CCDC7: variants seen among roughly 807,000 people sequenced by gnomAD.
CCDC7 encodes coiled-coil domain containing 7.
CCDC7 carries 183 observed loss-of-function variants against 196.9 expected under a neutral mutation model. The observed-to-expected ratio is 0.93, with a 90% confidence interval of 0.82 to 1.05. The LOEUF is 1.05. Among genes scored for constraint, CCDC7 ranks in the 50% least tolerant of loss-of-function variants. The probability of loss-of-function intolerance (pLI) is 0.00; values close to 1 mark genes in which losing one functional copy is unlikely to be tolerated. For missense variants in CCDC7, 1,540 were observed against 1,482.2 expected (o/e 1.04, Z -0.64); for synonymous variants, 525 against 484.6 (o/e 1.08, Z -1.10).
chr10:32,865,589 A>T (rs1425093249), intron 41 of CCDC7, among the ~76,000 whole-genome samples: 2 of 151,848 alleles, frequency 1.3e-5, no homozygotes, highest in Non-Finnish European at 2.9e-5. Context: ...ACTTGATTAG[A>T]AAGGAGTATG....
In CCDC7 at chr10:32,699,879, A is replaced by G. The variant is rs554321913; in HGVS notation, c.2458+4887A>G. ...TTTGAGAAGTATCTGTTCATATCCT[A>G]TGCCCACTTGTTGATAGGGTTGTTT... On this transcript the variant is annotated intron_variant, in intron 24 of 41. Coordinates refer to ENST00000639629, the Ensembl canonical transcript of CCDC7. Among the ~76,000 whole-genome samples, 26 of 149,454 alleles carry G rather than the reference A, an allele frequency of 1.7e-4. 5 individuals carry two copies. The highest frequency in any genetic ancestry group is 6.7e-4 in the African/African-American group (26 of 38,896).
chr10:32,612,786 G>A (rs1219727908), intron 18 of CCDC7, among the ~76,000 whole-genome samples: 2 of 151,942 alleles, frequency 1.3e-5, no homozygotes, highest in African/African-American at 4.8e-5. Context: ...TGGTGGATAA[G>A]CTTTTTAATG....
chr10:32,755,634 C>A (rs573530839), intron 28 of CCDC7, among the ~76,000 whole-genome samples: 1 of 152,216 alleles, frequency 6.6e-6, no homozygotes, highest in Admixed American at 6.5e-5. Flanking sequence ...TTAGATAAAA[C>A]CACAAAGATG....
intron 18 of CCDC7, among the ~76,000 whole-genome samples, chr10:32,588,854 T>A (rs2059535337): frequency 6.6e-6 from 1 of 152,110 alleles, no homozygotes. Context: ...TTTTCTTTTT[T>A]AAATTTTTAG....
chr10:32,615,674 T>G (rs2062696514), intron 18 of CCDC7, among the ~76,000 whole-genome samples: 1 of 152,154 alleles, frequency 6.6e-6, no homozygotes, highest in Non-Finnish European at 1.5e-5. Context: ...GCTTTTTGGT[T>G]TAATTAAGTC....
intron 41 of CCDC7, among the ~76,000 whole-genome samples, chr10:32,871,192 T>C (rs2094416655): frequency 6.6e-6 from 1 of 152,222 alleles, no homozygotes; most frequent in Admixed American, 6.6e-5. Context: ...TTCCTCCTTG[T>C]ACCTCTGGTA....
chr10:32,867,883 T>A (rs946350773), intron 41 of CCDC7, among the ~76,000 whole-genome samples: 14 of 151,870 alleles, frequency 9.2e-5, no homozygotes, highest in Non-Finnish European at 1.5e-5. Context: ...GTTTTTTATC[T>A]TGCAAAACTG....
chr10:32,703,683 G>T (rs759003666), intron 24 of CCDC7, among the ~76,000 whole-genome samples: 1 of 151,942 alleles, frequency 6.6e-6, no homozygotes. Context: ...TTTTTACATA[G>T]ACCCATATTT....
At chr10:32,500,792 C>T (rs1173706992) in intron 9 of CCDC7, among the ~76,000 whole-genome samples, 1 of 152,240 alleles carries the variant, frequency 6.6e-6, no homozygotes, top group Non-Finnish European at 1.5e-5. Flanking sequence ...CGTCTGCAAT[C>T]CTGGCACCTC....
intron 8 of CCDC7, chr10:32,481,927 A>G (rs1564405088): frequency 6.6e-6 from 1 of 152,066 alleles, no homozygotes. Flanking sequence ...GTTGCTTTCA[A>G]GATTCTCTTT....
intron 11 of CCDC7, among the ~76,000 whole-genome samples, chr10:32,523,293 C>T (rs2135653421): frequency 6.6e-6 from 1 of 152,198 alleles, no homozygotes; most frequent in Non-Finnish European, 1.5e-5. Flanking sequence ...CGCCTGTAAT[C>T]CTAGCACTTT....
At chr10:32,589,642 TG>T (rs1435487110) in intron 18 of CCDC7, among the ~76,000 whole-genome samples, 2 of 152,146 alleles carry the variant, frequency 1.3e-5, no homozygotes, top group African/African-American at 4.8e-5. Context: ...ATGCTGAAAG[TG>T]GGGTGTTGAA....
intron 13 of CCDC7, among the ~76,000 whole-genome samples, chr10:32,554,681 C>T (rs2054067006): frequency 6.6e-6 from 1 of 152,210 alleles, no homozygotes; most frequent in Non-Finnish European, 1.5e-5. Context: ...TCTCCCAGGT[C>T]CTGCAGGAGC....
intron 32 of CCDC7, among the ~76,000 whole-genome samples, chr10:32,827,553 C>T (rs547663345): frequency 7.7e-4 from 115 of 149,474 alleles, no homozygotes; most frequent in Non-Finnish European, 1.4e-3. Context: ...TAAAGAAGTG[C>T]GGCAGTAGCG....
chr10:32,825,418 A>G (rs922396033), intron 32 of CCDC7, among the ~76,000 whole-genome samples: 1 of 152,178 alleles, frequency 6.6e-6, no homozygotes, highest in Non-Finnish European at 1.5e-5. Flanking sequence ...GAAAAACGTG[A>G]AAAGACTAGA....
chr10:32,683,683 A>G (rs1353731678), intron 21 of CCDC7, among the ~76,000 whole-genome samples: 2 of 152,008 alleles, frequency 1.3e-5, no homozygotes, highest in Admixed American at 1.3e-4. Flanking sequence ...CACTGTAGAG[A>G]TCTTTCACCC....
intron 25 of CCDC7, among the ~76,000 whole-genome samples, chr10:32,723,107 A>G (rs912503550): frequency 3.9e-5 from 6 of 152,046 alleles, no homozygotes; most frequent in African/African-American, 1.4e-4. Context: ...GTAGGGCCCC[A>G]TGGCTCACTA....
intron 32 of CCDC7, among the ~76,000 whole-genome samples, chr10:32,828,559 AAAG>A (rs71515575): frequency 5.1e-4 from 68 of 133,088 alleles, no homozygotes; most frequent in Non-Finnish European, 7.4e-4. Flanking sequence ...GAAGAAGAAG[AAAG>A]AAGAAGAAGA....
chr10:32,501,614 G>C (rs1472313177), intron 9 of CCDC7, among the ~76,000 whole-genome samples: 2 of 152,194 alleles, frequency 1.3e-5, no homozygotes, highest in African/African-American at 4.8e-5. Context: ...CAGGTCTGCT[G>C]GAGTTTGCTG....
Sources: gnomAD v4.1 joint callset for allele counts (sites outside exome capture counted in the v4.1 genomes callset) on GRCh38, gnomAD v4.1.1 for gene constraint, MANE v1.5 for transcripts, NCBI Gene and HGNC (gene_info 2026-07-23, HGNC 2026-07-21) for gene names.